BDNF: variants seen among roughly 807,000 people sequenced by gnomAD.
BDNF encodes the protein brain derived neurotrophic factor.
A neutral mutation model predicts 19.5 loss-of-function variants in BDNF; 1 was observed. The observed-to-expected ratio is 0.05, with a 90% CI of 0.02 to 0.24. The LOEUF is 0.24. Among genes scored for constraint, BDNF ranks in the 10% least tolerant of loss-of-function variants. The pLI, the probability that BDNF is intolerant of heterozygous loss-of-function variation, is 1.00. For synonymous variants in BDNF, 100 were observed against 121.6 expected, an observed-to-expected ratio of 0.82 and a Z score of 1.17; for missense variants, 195 against 317.6, an observed-to-expected ratio of 0.61 and a Z score of 2.93.
chr11:27,714,815 T>A (rs1860455544), intron 1 of BDNF, among the ~76,000 whole-genome samples: 1 of 152,154 alleles, frequency 6.6e-6, no homozygotes, highest in African/African-American at 2.4e-5. Context: ...ACATCTCTTT[T>A]GTTTTATGTG....
intron 1 of BDNF, among the ~76,000 whole-genome samples, chr11:27,710,627 C>G (rs902873944): frequency 7.2e-5 from 11 of 152,214 alleles, no homozygotes; most frequent in African/African-American, 2.4e-4. Flanking sequence ...TTAGACTGTG[C>G]TTGTCCATCC....
intron 1 of BDNF, among the ~76,000 whole-genome samples, chr11:27,682,703 C>T (rs963406858): frequency 1.3e-5 from 2 of 152,100 alleles, no homozygotes; most frequent in Admixed American, 6.6e-5. Context: ...ATGATGGTTT[C>T]CAGCTTCATC....
At chr11:27,684,387 T>G (rs1857218751) in intron 1 of BDNF, among the ~76,000 whole-genome samples, 1 of 152,232 alleles carries the variant, frequency 6.6e-6, no homozygotes, top group Non-Finnish European at 1.5e-5. Context: ...TTGAATATGC[T>G]TTATTTCTTT....
At chr11:27,701,780 C>T, upstream of BDNF, 2 of 274,928 alleles carry the variant, frequency 7.3e-6, no homozygotes, top group Non-Finnish European at 1.1e-5. Flanking sequence ...AGAAGAGTTC[C>T]GTTCCAGGGC....
chr11:27,713,083 G>C (rs112361753), intron 1 of BDNF, among the ~76,000 whole-genome samples: 3 of 142,474 alleles, frequency 2.1e-5, no homozygotes, highest in African/African-American at 7.8e-5. Flanking sequence ...ATTTTTAGTA[G>C]AGACAGGGTT....
At chr11:27,705,728 A>C (rs1860082552) in intron 1 of BDNF, among the ~76,000 whole-genome samples, 1 of 152,224 alleles carries the variant, frequency 6.6e-6, no homozygotes, top group Non-Finnish European at 1.5e-5. Flanking sequence ...GCTTTAGATT[A>C]GTCTGGCATA....
intron 1 of BDNF, among the ~76,000 whole-genome samples, chr11:27,719,994 A>C (rs966851590): frequency 1.3e-5 from 2 of 152,074 alleles, no homozygotes; most frequent in Non-Finnish European, 2.9e-5. Flanking sequence ...AAAGCTTCAT[A>C]ATTAGTAATG....
chr11:27,718,358 C>G (rs1222136506), intron 1 of BDNF, among the ~76,000 whole-genome samples: 1 of 144,208 alleles, frequency 6.9e-6, no homozygotes, highest in Non-Finnish European at 1.5e-5. Flanking sequence ...CACACCACCC[C>G]CCCCCGCCCC....
rs1859384179 is a variant in BDNF, at chr11:27,698,226, C to CACAAAAAAAAAA, written c.-22+1937_-22+1938insTTTTTTTTTTGT. On this transcript the variant is annotated intron_variant, in intron 1 of 1. Coordinates refer to ENST00000356660, the MANE Select transcript of BDNF (RefSeq NM_001709.5). ...CCTGCTAACCCAGAGGTAAATTTCC[C>CACAAAAAAAAAA]AAAAAAAAAAAAAAAAAAAAAAAAA... is the stretch of plus-strand genomic sequence containing the variant. The CACAAAAAAAAAA allele has an allele frequency of 2.5e-5, 2 of 80,784 alleles. 1 individual carries two copies. The highest frequency in any genetic ancestry group is 4.8e-5 in the Non-Finnish European group (2 of 41,288). 5.0% of individuals were successfully genotyped at this position (80,784 alleles called of 1,614,324 possible).
Position 27,658,473 on chromosome 11 carries a change from C to T in BDNF, c.92G>A (p.Gly31Asp), listed in dbSNP as rs767681787. The T allele has an allele frequency of 1.9e-6, 3 of 1,614,052 alleles. No homozygotes were observed. Among genetic ancestry groups the T allele is most frequent in the African/African-American group, 2.7e-5 (2 of 74,934 alleles). The change falls in exon 2 of 2, where the codon GGC becomes GAC. Residue 31 changes from glycine to aspartate, a missense_variant. Gly to Asp is a moderately conservative substitution (Grantham distance 94). Coordinates refer to ENST00000356660, the MANE Select transcript of BDNF (RefSeq NM_001709.5). The surrounding 1 kb of genome is among the most constrained non-coding windows in gnomAD (Gnocchi z 5.7). ...MKEANIRGQG[G>D]LAYPGVRTHG... The stretch of plus-strand genomic sequence containing the variant: ...GGTCCGCACACCTGGGTAGGCCAAG[C>T]CACCTTGTCCTCGGATGTTTGCTTC...
At chr11:27,698,278 A>G (rs1474169838) in intron 1 of BDNF, 1 of 150,130 alleles carries the variant, frequency 6.7e-6, no homozygotes, top group African/African-American at 2.4e-5. Context: ...GGCATTTGCA[A>G]AATCAGAAAA....
chr11:27,668,182 G>A (rs1051974399), intron 1 of BDNF, among the ~76,000 whole-genome samples: 26 of 152,296 alleles, frequency 1.7e-4, no homozygotes, highest in Middle Eastern at 3.4e-3. Flanking sequence ...GGTACTTAAC[G>A]AAGTGAAGGC....
chr11:27,671,968 G>T (rs982255255), intron 1 of BDNF, among the ~76,000 whole-genome samples: 1 of 152,270 alleles, frequency 6.6e-6, no homozygotes, highest in South Asian at 2.1e-4. Context: ...TAAGTATTAT[G>T]ATACTTTCTT....
At chr11:27,673,880 AAAT>A (rs751957731) in intron 1 of BDNF, among the ~76,000 whole-genome samples, 3 of 152,310 alleles carry the variant, frequency 2.0e-5, no homozygotes, top group Admixed American at 6.5e-5. Context: ...CTATCCTCTG[AAAT>A]ACATAGAGCA....
At chr11:27,666,955 GAC>G (rs1272419518) in intron 1 of BDNF, among the ~76,000 whole-genome samples, 2 of 152,094 alleles carry the variant, frequency 1.3e-5, no homozygotes, top group African/African-American at 4.8e-5. Context: ...GTAACTCAAA[GAC>G]ACATAATTGT....
intron 1 of BDNF, among the ~76,000 whole-genome samples, chr11:27,680,299 G>A (rs1298136341): frequency 6.6e-6 from 1 of 152,188 alleles, no homozygotes; most frequent in African/African-American, 2.4e-5. Context: ...AGGGAGGAAG[G>A]TGGCAAAGGA....
chr11:27,695,289 T>C (rs571073988), intron 1 of BDNF, among the ~76,000 whole-genome samples: 1 of 152,376 alleles, frequency 6.6e-6, no homozygotes, highest in African/African-American at 2.4e-5. Context: ...TAAATTTTAA[T>C]TTTATACAAG....
intron 1 of BDNF, chr11:27,719,474 G>T: frequency 1.0e-6 from 1 of 985,572 alleles, no homozygotes; most frequent in Non-Finnish European, 1.2e-6. Flanking sequence ...CCAGGCGGAG[G>T]CTCCCCTTTC....
chr11:27,656,971 T>C lies in BDNF; in HGVS notation c.*850A>G. ...ACCAGAGGGGGAGGGGGGGAAAGAA[T>C]GTGTTCTGAGCAAACATAGGTCCTT... On this transcript the variant is annotated 3_prime_UTR_variant, in exon 2 of 2. Transcript: ENST00000356660. 5.1e-6 allele frequency: 5 copies of C among 985,360 alleles called. No homozygotes were observed. The highest frequency in any genetic ancestry group is 5.2e-4 in the Middle Eastern group (1 of 1,916). 61.0% of individuals were successfully genotyped at this position (985,360 alleles called of 1,614,324 possible).
Sources: gnomAD v4.1 joint callset for allele counts (sites outside exome capture counted in the v4.1 genomes callset) on GRCh38, gnomAD v4.1.1 for gene constraint, Gnocchi (gnomAD v3.1) non-coding constraint, MANE v1.5 for transcripts, NCBI Gene and HGNC (gene_info 2026-07-23, HGNC 2026-07-21) for gene names.